The following CSGALNACT2 variants were observed in gnomAD, a reference collection of about 807,000 sequenced individuals.
The protein encoded by CSGALNACT2 is chondroitin sulfate N-acetylgalactosaminyltransferase 2, also known as beta 4 GalNAcT-2.
CSGALNACT2 carries 35 observed loss-of-function variants against 55.3 expected under a neutral mutation model. That is an observed-to-expected ratio of 0.63 (90% CI 0.48 to 0.84). CSGALNACT2 has a LOEUF of 0.84. CSGALNACT2 is among the 40% of genes least tolerant of loss of function. The pLI is 0.00. For missense variants in CSGALNACT2, 544 were observed against 657.5 expected (o/e 0.83, Z 1.89); for synonymous variants, 196 against 224.9 (o/e 0.87, Z 1.15).
intron 1 of CSGALNACT2, among the ~76,000 whole-genome samples, chr10:43,146,011 A>AT (rs1166085451): frequency 6.6e-5 from 10 of 151,798 alleles, no homozygotes; most frequent in Admixed American, 6.6e-5. Flanking sequence ...CTAAAAAAAG[A>AT]TTTTTTTTTA....
intron 4 of CSGALNACT2, among the ~76,000 whole-genome samples, chr10:43,161,773 C>T (rs907256650): frequency 6.6e-6 from 1 of 152,184 alleles, no homozygotes; most frequent in African/African-American, 2.4e-5. Context: ...TCTTTGCCTC[C>T]AGTTACCTCT....
At chr10:43,175,840 A>G (rs1839469398) in intron 6 of CSGALNACT2, 111 bp from the exon 7 acceptor site, 16 of 926,832 alleles carry the variant, frequency 1.7e-5, no homozygotes, top group Non-Finnish European at 8.4e-6. Context: ...AATCAGTCAC[A>G]TAAATGACAG....
intron 6 of CSGALNACT2, among the ~76,000 whole-genome samples, chr10:43,170,571 ATGAG>A (rs1399388016): frequency 6.6e-6 from 1 of 152,210 alleles, no homozygotes; most frequent in Non-Finnish European, 1.5e-5. Context: ...ACTGATACAA[ATGAG>A]TGAGTGAATG....
At chr10:43,144,515 G>A (rs1839420722) in intron 1 of CSGALNACT2, among the ~76,000 whole-genome samples, 1 of 152,166 alleles carries the variant, frequency 6.6e-6, no homozygotes, top group Non-Finnish European at 1.5e-5. Flanking sequence ...TTTTTTAAAT[G>A]CAAATTCATA....
intron 1 of CSGALNACT2, among the ~76,000 whole-genome samples, chr10:43,150,896 C>CT (rs1268987138): frequency 6.6e-6 from 1 of 151,986 alleles, no homozygotes; most frequent in Non-Finnish European, 1.5e-5. Context: ...ATTTTTGATT[C>CT]TTTTTTCTTT....
chr10:43,138,727 G>A (rs1415925753), intron 1 of CSGALNACT2, among the ~76,000 whole-genome samples, 160 bp downstream of exon 1: 1 of 152,128 alleles, frequency 6.6e-6, no homozygotes, highest in Non-Finnish European at 1.5e-5. Context: ...GAGCCTGCCG[G>A]AGTCGGCACC....
At chr10:43,153,101 G>C (rs1168765488) in intron 1 of CSGALNACT2, among the ~76,000 whole-genome samples, 1 of 151,960 alleles carries the variant, frequency 6.6e-6, no homozygotes, top group Non-Finnish European at 1.5e-5. Context: ...GCTAATCCCA[G>C]CACTTTGGGA....
intron 6 of CSGALNACT2, among the ~76,000 whole-genome samples, chr10:43,171,275 A>G (rs1302578895): frequency 6.6e-6 from 1 of 152,186 alleles, no homozygotes; most frequent in Non-Finnish European, 1.5e-5. Context: ...AAGGTTGTAT[A>G]TTAAAATTAA....
intron 1 of CSGALNACT2, among the ~76,000 whole-genome samples, chr10:43,149,828 G>A (rs75794970): frequency 4.4e-4 from 67 of 152,232 alleles, no homozygotes; most frequent in Middle Eastern, 3.4e-3. Context: ...AGCACTTTTC[G>A]AGGCTGAGGC....
rs770321567 is a variant in CSGALNACT2, at chr10:43,163,923, A to T, written c.1038A>T (p.Gly346=). Residue 346 remains glycine, a synonymous_variant, in exon 5 of 8, where the codon GGA becomes GGT. Transcript: ENST00000374466. ...LVSLNEEFNR[G]RGLNVGARAW... ...CATTGAATGAAGAATTTAATCGTGG[A>T]CGAGGACTAAATGTGGGTGCCCGAG... 1 of 1,614,184 alleles carries T rather than the reference A, an allele frequency of 6.2e-7. No individual in the cohort carries two copies. The highest frequency in any genetic ancestry group is 8.5e-7 in the Non-Finnish European group (1 of 1,180,030).
At chr10:43,166,727 G>A (rs932025684) in intron 5 of CSGALNACT2, among the ~76,000 whole-genome samples, 5 of 152,148 alleles carry the variant, frequency 3.3e-5, no homozygotes, top group East Asian at 1.9e-4. Flanking sequence ...AATGACTCAC[G>A]TAATGAATAC....
chr10:43,147,782 C>CTTTTTTTTTTTTTTTTTTT (rs372639057), intron 1 of CSGALNACT2, among the ~76,000 whole-genome samples: 2 of 108,118 alleles, frequency 1.8e-5, no homozygotes, highest in Non-Finnish European at 3.7e-5. Flanking sequence ...GTCGAGTTAT[C>CTTTTTTTTTTTTTTTTTTT]TTTTTTTTTT....
At chr10:43,152,403 A>T (rs1363698969) in intron 1 of CSGALNACT2, among the ~76,000 whole-genome samples, 1 of 120,348 alleles carries the variant, frequency 8.3e-6, no homozygotes, top group East Asian at 2.1e-4. Flanking sequence ...TTCATTTTTA[A>T]TAACCACAGA....
intron 4 of CSGALNACT2, among the ~76,000 whole-genome samples, chr10:43,161,836 C>T (rs778076480): frequency 1.1e-4 from 16 of 152,280 alleles, no homozygotes; most frequent in Non-Finnish European, 2.2e-4. Flanking sequence ...CTCTTCCTTG[C>T]TACTGCCACC....
At chr10:43,154,498 C>T (rs1472736630) in intron 1 of CSGALNACT2, among the ~76,000 whole-genome samples, 1 of 152,138 alleles carries the variant, frequency 6.6e-6, no homozygotes, top group African/African-American at 2.4e-5. Context: ...CTTTGGGAGG[C>T]CAAGACAGGC....
chr10:43,158,501 GAATAA>G (rs1413290258), intron 2 of CSGALNACT2, among the ~76,000 whole-genome samples: 1 of 152,126 alleles, frequency 6.6e-6, no homozygotes, highest in African/African-American at 2.4e-5. Context: ...TTTATAGATT[GAATAA>G]AATAACAGAA....
intron 7 of CSGALNACT2, among the ~76,000 whole-genome samples, chr10:43,179,071 G>GAT (rs1223883490): frequency 2.6e-5 from 4 of 151,756 alleles, no homozygotes; most frequent in South Asian, 2.1e-4. Context: ...TGGTTCTTTT[G>GAT]ATATATATAT....
Position 43,168,673 on chromosome 10 carries a change from G to GAC in CSGALNACT2, c.1254+1610_1254+1611dup, listed in dbSNP as rs55776451. Among the ~76,000 whole-genome samples, 1,337 of 148,004 alleles carry GAC rather than the reference G, an allele frequency of 9.0e-3. 23 individuals are homozygous for GAC. Among genetic ancestry groups the GAC allele is most frequent in the East Asian group, 0.064 (311 of 4,880 alleles). ...ATCAACACTTGGCATAGTACACACA[G>GAC]ACACACACACACACACACACACACA... On this transcript the variant is annotated intron_variant, in intron 6 of 7. Coordinates refer to ENST00000374466, the MANE Select transcript of CSGALNACT2 (RefSeq NM_018590.5).
intron 4 of CSGALNACT2, chr10:43,163,327 C>G (rs941697059): frequency 2.7e-6 from 2 of 728,992 alleles, no homozygotes; most frequent in South Asian, 1.2e-4. Flanking sequence ...AACAAAATCC[C>G]TGCTCCCACA....
Sources: allele counts gnomAD v4.1 joint callset (sites outside exome capture counted in the v4.1 genomes callset), GRCh38; gene constraint gnomAD v4.1.1; transcripts MANE v1.5; gene names NCBI Gene and HGNC (gene_info 2026-07-23, HGNC 2026-07-21).